The following OSBPL10 variants were observed in gnomAD, a reference collection of about 807,000 sequenced individuals.
OSBPL10 encodes oxysterol binding protein like 10.
OSBPL10 carries 49 observed loss-of-function variants against 81.7 expected under a neutral mutation model. The observed-to-expected ratio is 0.60, with a 90% confidence interval of 0.48 to 0.76. OSBPL10 has a LOEUF of 0.76. Ranked by LOEUF, OSBPL10 falls within the 30% of genes least tolerant of loss-of-function variation. OSBPL10 has a pLI of 0.00. For synonymous variants in OSBPL10, 419 were observed against 383.6 expected (o/e 1.09, Z -1.08); for missense variants, 923 against 987.8 (o/e 0.93, Z 0.88).
chr3:31,813,495 G>A (rs1032459194), intron 4 of OSBPL10, among the ~76,000 whole-genome samples: 1 of 152,222 alleles, frequency 6.6e-6, no homozygotes, highest in African/African-American at 2.4e-5. Context: ...AAGTGTTCAT[G>A]TAAGTTAAGG....
intron 1 of OSBPL10, among the ~76,000 whole-genome samples, chr3:31,883,817 C>T (rs954758862): frequency 6.6e-6 from 1 of 152,228 alleles, no homozygotes; most frequent in East Asian, 1.9e-4. Flanking sequence ...AGCCACCGTG[C>T]CTGGCCACAT....
rs566679123 is a variant in OSBPL10, at chr3:31,825,329, A to AT, written c.729+4710dup. Among the ~76,000 whole-genome samples the AT allele has an allele frequency of 7.2e-3, 1,080 of 150,668 alleles. 16 individuals carry two copies. The highest frequency in any genetic ancestry group is 0.059 in the South Asian group (282 of 4,740). On this transcript the variant is annotated intron_variant, in intron 4 of 11. Transcript: ENST00000396556. The stretch of plus-strand genomic sequence containing the variant: ...CAAGGAAGTATCTTCCAGTCCAAGA[A>AT]TTTTTTTTTTAAGAAAAAGTCTTGC...
Position 31,967,334 on chromosome 3 carries a change from C to T in OSBPL10, c.281+13565G>A, listed in dbSNP as rs558345260. ...CTGGTCTCAAACTCTTGGCCTCAAG[C>T]GATCCTCCTGCCCTGGCCTGTAGTA... On this transcript the variant is annotated intron_variant, in intron 1 of 11. Coordinates refer to ENST00000396556, the MANE Select transcript of OSBPL10 (RefSeq NM_017784.5). Among the ~76,000 whole-genome samples, 17 of 152,180 alleles carry T rather than the reference C, an allele frequency of 1.1e-4. No homozygotes were observed. The South Asian group carries it at 2.5e-3, about 22-fold the overall frequency.
intron 1 of OSBPL10, among the ~76,000 whole-genome samples, chr3:31,946,871 G>C (rs1464402060): frequency 6.6e-6 from 1 of 152,146 alleles, no homozygotes; most frequent in Non-Finnish European, 1.5e-5. Flanking sequence ...AGGAGCTTGG[G>C]CTCAGGGAGG....
At chr3:31,763,375 G>A (rs975980867) in intron 4 of OSBPL10, among the ~76,000 whole-genome samples, 1 of 152,130 alleles carries the variant, frequency 6.6e-6, no homozygotes, top group African/African-American at 2.4e-5. Flanking sequence ...TACAAACTAA[G>A]GGTCAACAAG....
intron 5 of OSBPL10, among the ~76,000 whole-genome samples, chr3:31,745,971 C>T (rs376082310): frequency 6.6e-6 from 1 of 152,270 alleles, no homozygotes; most frequent in East Asian, 1.9e-4. Context: ...CCTAACTTGC[C>T]TCATTCCTTC....
intron 4 of OSBPL10, among the ~76,000 whole-genome samples, chr3:31,756,996 T>C (rs1258487895): frequency 6.6e-6 from 1 of 152,220 alleles, no homozygotes; most frequent in Non-Finnish European, 1.5e-5. Context: ...AGCAAGGAGA[T>C]GCTGTAACAG....
intron 6 of OSBPL10, among the ~76,000 whole-genome samples, chr3:31,712,020 A>G (rs1320348802): frequency 6.6e-6 from 1 of 152,142 alleles, no homozygotes; most frequent in Non-Finnish European, 1.5e-5. Context: ...AAAGAGGAGC[A>G]CTTAAAGTAG....
chr3:31,870,224 G>A (rs561273166), intron 3 of OSBPL10, among the ~76,000 whole-genome samples: 18 of 152,340 alleles, frequency 1.2e-4, no homozygotes, highest in East Asian at 5.8e-4. Context: ...AGCAGCCGGC[G>A]GGCCTCCCGG....
intron 1 of OSBPL10, among the ~76,000 whole-genome samples, chr3:31,919,866 A>T (rs1696862810): frequency 6.6e-6 from 1 of 152,234 alleles, no homozygotes; most frequent in South Asian, 2.1e-4. Flanking sequence ...GCACTTTTTT[A>T]TTAGAGGATA....
At chr3:31,861,536 A>G (rs1041966157) in intron 3 of OSBPL10, among the ~76,000 whole-genome samples, 4 of 152,180 alleles carry the variant, frequency 2.6e-5, no homozygotes, top group African/African-American at 9.7e-5. Flanking sequence ...ACAGATACAG[A>G]TGACTGATTG....
chr3:31,754,410 G>A (rs1697825310), intron 4 of OSBPL10, among the ~76,000 whole-genome samples: 1 of 152,112 alleles, frequency 6.6e-6, no homozygotes, highest in African/African-American at 2.4e-5. Context: ...GAAGGAAGAG[G>A]GATCCAGCTC....
chr3:31,764,977 C>G (rs76114889), intron 4 of OSBPL10, among the ~76,000 whole-genome samples: 2,779 of 152,248 alleles, frequency 0.018, 51 homozygotes, highest in Non-Finnish European at 0.027. Flanking sequence ...TGATCCCCAT[C>G]ATCCATAAAA....
intron 1 of OSBPL10, among the ~76,000 whole-genome samples, chr3:32,075,630 G>A (rs964086047): frequency 9.2e-5 from 14 of 152,102 alleles, no homozygotes; most frequent in African/African-American, 2.9e-4. Context: ...CCCACTGTAG[G>A]TTTCCACACA....
intron 1 of OSBPL10, chr3:31,960,396 TATTCAC>T (rs1304539361): frequency 2.0e-5 from 3 of 152,180 alleles, no homozygotes; most frequent in Non-Finnish European, 4.4e-5. Context: ...GCATTCAGGG[TATTCAC>T]ATTCACAATA....
chr3:31,663,820 A>G (rs970518926), intron 11 of OSBPL10: 20 of 1,389,442 alleles, frequency 1.4e-5, no homozygotes, highest in Non-Finnish European at 1.9e-5. Flanking sequence ...GCAGGCTGAC[A>G]TGCTTTTCTG....
intron 2 of OSBPL10, chr3:31,989,501 A>G (rs769343203): frequency 6.2e-7 from 1 of 1,614,108 alleles, no homozygotes; most frequent in Non-Finnish European, 8.5e-7. Flanking sequence ...ACCGACAGAT[A>G]TGATCGAAGG....
intron 1 of OSBPL10, among the ~76,000 whole-genome samples, chr3:31,917,055 C>T (rs545411677): frequency 8.5e-5 from 13 of 152,298 alleles, no homozygotes; most frequent in African/African-American, 2.9e-4. Context: ...CATTACTTTA[C>T]TTCCCTTGTG....
chr3:31,891,209 C>T (rs183557186), intron 1 of OSBPL10, among the ~76,000 whole-genome samples: 2 of 152,146 alleles, frequency 1.3e-5, no homozygotes, highest in Admixed American at 6.5e-5. Flanking sequence ...CCTAATTATG[C>T]CCTAGGCCAG....
Sources: allele counts gnomAD v4.1 joint callset (sites outside exome capture counted in the v4.1 genomes callset), GRCh38; gene constraint gnomAD v4.1.1; transcripts MANE v1.5; gene names NCBI Gene and HGNC (gene_info 2026-07-23, HGNC 2026-07-21).